The following CELF4 variants were observed in gnomAD, a reference collection of about 807,000 sequenced individuals.
CELF4 encodes CUG-BP- and ETR-3-like factor 4.
In CELF4, 18 loss-of-function variants were observed where a neutral mutation model predicts 59.9. That is an observed-to-expected ratio of 0.30 (90% confidence interval 0.21 to 0.45). The LOEUF (loss-of-function observed/expected upper bound fraction) is 0.45. CELF4 is among the 20% of genes least tolerant of loss of function. The pLI is 1.00. For synonymous variants in CELF4, 261 were observed against 267.1 expected (o/e 0.98, Z 0.22); for missense variants, 456 against 689.0 (o/e 0.66, Z 3.79).
chr18:37,350,376 C>T (rs2154553478), intron 2 of CELF4, among the ~76,000 whole-genome samples: 2 of 152,300 alleles, frequency 1.3e-5, no homozygotes, highest in South Asian at 4.1e-4. Context: ...ATAGACCACG[C>T]GCGCTCCTCT....
intron 2 of CELF4, among the ~76,000 whole-genome samples, chr18:37,403,562 G>C (rs892454019): frequency 6.6e-6 from 1 of 152,164 alleles, no homozygotes; most frequent in African/African-American, 2.4e-5. Context: ...TGGCGAGGGG[G>C]TGGTGGGTGT....
intron 2 of CELF4, among the ~76,000 whole-genome samples, chr18:37,422,785 A>G (rs1337863543): frequency 6.6e-6 from 1 of 152,154 alleles, no homozygotes; most frequent in Non-Finnish European, 1.5e-5. Flanking sequence ...ATGCCAGGGA[A>G]GCTGGCCAGA....
At chr18:37,333,017 T>C (rs1442105012) in intron 2 of CELF4, among the ~76,000 whole-genome samples, 1 of 152,240 alleles carries the variant, frequency 6.6e-6, no homozygotes, top group African/African-American at 2.4e-5. Flanking sequence ...CATGGTCGGC[T>C]GGGTCGCTAA....
chr18:37,488,712 C>T (rs1223135800), intron 1 of CELF4, among the ~76,000 whole-genome samples: 1 of 152,234 alleles, frequency 6.6e-6, no homozygotes, highest in Non-Finnish European at 1.5e-5. Flanking sequence ...CTCCTGACTC[C>T]TCCACCATCC....
In CELF4 at chr18:37,527,737, A is replaced by T. The variant is rs80345704; in HGVS notation, c.286+37619T>A. On this transcript the variant is annotated intron_variant, in intron 1 of 12. Coordinates refer to ENST00000420428, the MANE Select transcript of CELF4 (RefSeq NM_020180.4). Reference sequence around the variant, plus strand: ...TGTTTCCTCTTTTCATTTCCAGTCAACCCCCTCTGTGCATTTTCCTCCTTT... The same window carrying T: ...TGTTTCCTCTTTTCATTTCCAGTCATCCCCCTCTGTGCATTTTCCTCCTTT... Among the ~76,000 whole-genome samples the T allele has an allele frequency of 8.3e-3, 1,258 of 151,772 alleles. 21 individuals carry two copies. Among genetic ancestry groups the T allele is most frequent in the African/African-American group, 0.029 (1,210 of 41,344 alleles).
chr18:37,482,372 A>G (rs1429533884), intron 2 of CELF4, among the ~76,000 whole-genome samples: 1 of 152,220 alleles, frequency 6.6e-6, no homozygotes, highest in Non-Finnish European at 1.5e-5. Flanking sequence ...GAGAGATTAG[A>G]AAAAGGGAGT....
intron 2 of CELF4, among the ~76,000 whole-genome samples, chr18:37,470,156 T>C (rs1448940526): frequency 7.9e-5 from 12 of 152,216 alleles, no homozygotes; most frequent in Non-Finnish European, 1.6e-4. Flanking sequence ...ATTTGGACTT[T>C]AGGTGTAAAG....
At position 37,245,855 on chromosome 18, in the gene CELF4, AC is replaced by A. The variant is rs2061878822; in HGVS notation, c.*45-659del. ...TATGCATATATACACACATACACAC[AC>A]ATAATACTTTTCTCATACATGCCAG... On this transcript the variant is annotated intron_variant, in intron 12 of 12. Coordinates refer to ENST00000420428, the MANE Select transcript of CELF4 (RefSeq NM_020180.4). This position sits in a 1 kb window ranked among gnomAD's most constrained non-coding sequence, Gnocchi z 4.1. Among the ~76,000 whole-genome samples, 1 of 152,246 alleles carries A rather than the reference AC, an allele frequency of 6.6e-6. No individual in the cohort carries two copies. The highest frequency in any genetic ancestry group is 6.5e-5 in the Admixed American group (1 of 15,286).
chr18:37,298,853 G>C (rs2095834795), intron 3 of CELF4, among the ~76,000 whole-genome samples: 1 of 152,164 alleles, frequency 6.6e-6, no homozygotes, highest in Non-Finnish European at 1.5e-5. Context: ...GTCCTGACCA[G>C]GAACACTGCT....
At chr18:37,267,405 G>C (rs945190845) in intron 8 of CELF4, among the ~76,000 whole-genome samples, 2 of 152,220 alleles carry the variant, frequency 1.3e-5, no homozygotes, top group African/African-American at 4.8e-5. Context: ...CTCTGCTGAA[G>C]CTGTGGGCAA....
chr18:37,273,212 C>G, intron 6 of CELF4, 49 bp from the exon 7 acceptor site: 1 of 1,578,228 alleles, frequency 6.3e-7, no homozygotes, highest in Non-Finnish European at 8.7e-7. Flanking sequence ...AGGGGGCATC[C>G]CTCCCCGACA....
chr18:37,352,943 C>T (rs4799918), intron 2 of CELF4, among the ~76,000 whole-genome samples: 119,375 of 152,052 alleles, frequency 0.79, 47,560 homozygotes, highest in African/African-American at 0.92. Context: ...CTTTCTTGGC[C>T]GGGCGCGGTA....
intron 2 of CELF4, among the ~76,000 whole-genome samples, chr18:37,444,964 G>A (rs762681998): frequency 3.3e-5 from 5 of 152,204 alleles, no homozygotes; most frequent in Non-Finnish European, 7.3e-5. Context: ...GCGGCCTGCA[G>A]AAGGGCACAC....
chr18:37,275,311 G>C, intron 3 of CELF4, 68 bp from the exon 4 acceptor site: 1 of 1,561,748 alleles, frequency 6.4e-7, no homozygotes, highest in Non-Finnish European at 8.7e-7. Context: ...GGCAAGGCCG[G>C]AGGGGGAGAG....
chr18:37,524,762 C>A (rs1035851476), intron 1 of CELF4, among the ~76,000 whole-genome samples: 1 of 152,294 alleles, frequency 6.6e-6, no homozygotes, highest in East Asian at 1.9e-4. Context: ...GCCGAACATC[C>A]CCCGAGCCGC....
At position 37,254,052 on chromosome 18, in the gene CELF4, GGGCCCCGCCCCC is replaced by G. The variant is rs1364713773; in HGVS notation, c.1334-126_1334-115del. 4 of 775,432 alleles carry G rather than the reference GGGCCCCGCCCCC, an allele frequency of 5.2e-6. No homozygotes were observed. Among genetic ancestry groups the G allele is most frequent in the South Asian group, 1.1e-4 (2 of 18,792 alleles). The allele number at this position is 775,432 out of a possible 1,614,324, so 48.0% of individuals were successfully genotyped here. On this transcript the variant is annotated intron_variant, in intron 11 of 12. Coordinates refer to ENST00000420428, the MANE Select transcript of CELF4 (RefSeq NM_020180.4). This position sits in a 1 kb window ranked among gnomAD's most constrained non-coding sequence, Gnocchi z 5.1. Reference sequence around the variant, plus strand: ...GGGCGGGCCTGAGGCTCTCCCCCTCGGGCCCCGCCCCCGGCCCCGCCCCGGTGCCCGCCCCTC... The same window carrying G: ...GGGCGGGCCTGAGGCTCTCCCCCTCGGGCCCCGCCCCGGTGCCCGCCCCTC...
chr18:37,321,965 T>C, intron 2 of CELF4, 84 bp from the exon 3 acceptor site: 1 of 1,111,216 alleles, frequency 9.0e-7, no homozygotes, highest in Admixed American at 2.0e-5. Context: ...CACAGGTGAA[T>C]GCGAGTATAC....
At chr18:37,370,697 C>G (rs2098848672) in intron 2 of CELF4, among the ~76,000 whole-genome samples, 1 of 152,164 alleles carries the variant, frequency 6.6e-6, no homozygotes, top group South Asian at 2.1e-4. Flanking sequence ...CAGAAACAAG[C>G]CTTTTCCTTA....
At chr18:37,271,830 A>T (rs1804851974) in intron 7 of CELF4, among the ~76,000 whole-genome samples, 1 of 152,224 alleles carries the variant, frequency 6.6e-6, no homozygotes, top group Admixed American at 6.5e-5. Flanking sequence ...TTGGGGTCAA[A>T]TGACAATACC....
Sources: allele counts gnomAD v4.1 joint callset (sites outside exome capture counted in the v4.1 genomes callset), GRCh38; gene constraint gnomAD v4.1.1; non-coding constraint Gnocchi (gnomAD v3.1); transcripts MANE v1.5; gene names NCBI Gene and HGNC (gene_info 2026-07-23, HGNC 2026-07-21).